The following CCT5 variants were observed in gnomAD, a reference collection of about 807,000 sequenced individuals.
CCT5 encodes T-complex protein 1 subunit epsilon.
In CCT5, 6 loss-of-function variants were observed where a neutral mutation model predicts 55.0. That is an observed-to-expected ratio of 0.11 (90% confidence interval 0.06 to 0.22). CCT5 has a LOEUF of 0.22. CCT5 is among the 10% of genes least tolerant of loss of function. The pLI is 1.00. For synonymous variants in CCT5, 231 were observed against 243.7 expected, an observed-to-expected ratio of 0.95 and a Z score of 0.49; for missense variants, 560 against 694.6, an observed-to-expected ratio of 0.81 and a Z score of 2.18.
At position 10,264,642 on chromosome 5, in the gene CCT5, C is replaced by G. The variant is rs772511157; in HGVS notation, c.1499-14C>G. On this transcript the variant is annotated splice_polypyrimidine_tract_variant and intron_variant, in intron 10 of 10. Transcript: ENST00000280326. ...ATGCTATTTTAGGATAATCAGTGTC[C>G]TTGTATTTTTCAGATATGAAGCAAC... 2 of 1,552,924 alleles carry G rather than the reference C, an allele frequency of 1.3e-6. No individual in the cohort carries two copies. The highest frequency in any genetic ancestry group is 2.2e-5 in the South Asian group (2 of 89,774).
At chr5:10,256,982 G>A (rs1247297546) in intron 4 of CCT5, among the ~76,000 whole-genome samples, 2 of 152,158 alleles carry the variant, frequency 1.3e-5, no homozygotes, top group African/African-American at 2.4e-5. Flanking sequence ...CAAGGGGTGC[G>A]CTGATTATGT....
At chr5:10,258,036 C>A in intron 4 of CCT5, 75 bp from the exon 5 acceptor site, 1 of 1,410,990 alleles carries the variant, frequency 7.1e-7, no homozygotes, top group Non-Finnish European at 1.0e-6. Flanking sequence ...CTTTGAGTAA[C>A]ATTGTGTTAT....
rs567760368 is a variant in CCT5 at position 10,264,708 on chromosome 5, A to G, written c.1551A>G (p.Ile517Met). 1.2e-6 allele frequency: 2 copies of G among 1,614,056 alleles called. No homozygotes were observed. The highest frequency in any genetic ancestry group is 2.2e-5 in the South Asian group (2 of 91,084). The change falls in exon 11 of 11, where the codon ATA becomes ATG. Residue 517 changes from isoleucine (I) to methionine (M), a missense_variant. By Grantham distance (10) the Ile-to-Met change is conservative (BLOSUM62 1). Transcript: ENST00000280326. ...CCTTGATTGGCAAAAAGCAACAGAT[A>G]TCTCTTGCAACACAAATGGTTAGAA... is the stretch of plus-strand genomic sequence containing the variant. ...IETLIGKKQQISLATQMVRMI... is the reference protein window; with the variant it reads ...IETLIGKKQQMSLATQMVRMI...
intron 10 of CCT5, among the ~76,000 whole-genome samples, chr5:10,263,798 CAG>C (rs1031392129): frequency 3.9e-5 from 6 of 152,190 alleles, no homozygotes; most frequent in African/African-American, 1.2e-4. Context: ...ACAGTGGTCT[CAG>C]GCATTTCTGT....
In CCT5 at chr5:10,265,562, A is replaced by G. The variant is rs1385109280; in HGVS notation, c.*779A>G. The G allele has an allele frequency of 1.3e-5, 2 of 152,260 alleles. No individual in the cohort carries two copies. Among genetic ancestry groups the G allele is most frequent in the East Asian group, 3.9e-4 (2 of 5,194 alleles). The allele number at this position is 152,260 out of a possible 1,614,324, so 9.4% of individuals were successfully genotyped here. A position where few individuals can be genotyped will look rare whatever the true frequency, so the allele number is the denominator to read the frequency against. ...GACTGAAATTAATTGTACTTACTAAAGTATTAACTAGCTAACAGTGATGGG... is the reference window on the plus strand; with the variant it reads ...GACTGAAATTAATTGTACTTACTAAGGTATTAACTAGCTAACAGTGATGGG... On this transcript the variant is annotated 3_prime_UTR_variant, in exon 11 of 11. Transcript: ENST00000280326.
intron 9 of CCT5, among the ~76,000 whole-genome samples, 154 bp from the exon 10 acceptor site, chr5:10,262,980 T>G (rs1156276821): frequency 6.6e-6 from 1 of 152,250 alleles, no homozygotes; most frequent in African/African-American, 2.4e-5. Flanking sequence ...GGTGACATTA[T>G]AATATTCTGA....
intron 1 of CCT5, chr5:10,250,908 C>T: frequency 2.0e-6 from 2 of 999,774 alleles, no homozygotes; most frequent in Non-Finnish European, 2.4e-6. Context: ...GGTCACTTAA[C>T]AGGGTATTTC....
chr5:10,250,977 C>A, intron 1 of CCT5: 2 of 573,620 alleles, frequency 3.5e-6, no homozygotes, highest in African/African-American at 2.0e-5. Context: ...GAAAAACGGA[C>A]GCACATAACC....
chr5:10,264,046 G>A (rs1227525175), intron 10 of CCT5, among the ~76,000 whole-genome samples: 1 of 152,198 alleles, frequency 6.6e-6, no homozygotes, highest in Non-Finnish European at 1.5e-5. Context: ...GCCAAGCCGG[G>A]TGGATCACCT....
chr5:10,250,307 C>A lies in CCT5; in HGVS notation c.-34C>A. On this transcript the variant is annotated 5_prime_UTR_variant, in exon 1 of 11. Transcript: ENST00000280326. ...ATTCTCGCTTCCGTAGCGGTCTCCG[C>A]CGGTTGGGGGGAAGTAATTCCGGTT... 6.2e-7 allele frequency: 1 copy of A among 1,613,684 alleles called. No individual in the cohort carries two copies. Among genetic ancestry groups the A allele is most frequent in the Non-Finnish European group, 8.5e-7 (1 of 1,179,972 alleles).
chr5:10,262,726 G>A (rs1746029199), intron 9 of CCT5, 108 bp downstream of exon 9: 2 of 1,167,550 alleles, frequency 1.7e-6, no homozygotes, highest in African/African-American at 1.5e-5. Context: ...ATCGTGAGCT[G>A]TGTGTAGGTG....
chr5:10,263,174 A>G lies in CCT5; in HGVS notation c.1358A>G (p.Asp453Gly). Residue 453 changes from aspartate to glycine, a missense_variant, in exon 10 of 11, where the codon GAC becomes GGC. Around this residue, in one of 4 missense-constraint regions of CCT5, gnomAD observed 256 missense variants for 372.4 expected, o/e 0.69. Transcript: ENST00000280326. ...CAGTATGCCATGAGAGCGTTTGCCG[A>G]CGCACTGGAGGTCATCCCCATGGCC... ...LEQYAMRAFA[D>G]ALEVIPMALS... 3.7e-6 allele frequency: 6 copies of G among 1,614,188 alleles called. No homozygotes were observed. Among genetic ancestry groups the G allele is most frequent in the Non-Finnish European group, 5.1e-6 (6 of 1,180,034 alleles).
chr5:10,264,010 T>G (rs1746106813), intron 10 of CCT5, among the ~76,000 whole-genome samples: 1 of 152,250 alleles, frequency 6.6e-6, no homozygotes. Context: ...CAGTGACTCA[T>G]GTCTGTAATC....
chr5:10,264,735 G>A lies in CCT5; in HGVS notation c.1578G>A (p.Met526Ile). The A allele has an allele frequency of 1.2e-6, 2 of 1,613,618 alleles. No individual in the cohort carries two copies. ...QISLATQMVR[M>I]ILKIDDIRKP... The stretch of plus-strand genomic sequence containing the variant: ...CTCTTGCAACACAAATGGTTAGAAT[G>A]ATTTTGAAGATTGATGACATTCGTA... The change falls in exon 11 of 11, where the codon ATG becomes ATA. Residue 526 changes from methionine (M) to isoleucine (I), a missense_variant. By Grantham distance (10) the Met-to-Ile change is conservative (BLOSUM62 1). Around this residue, in one of 4 missense-constraint regions of CCT5, gnomAD observed 115 missense variants for 105.0 expected, o/e 1.10. Transcript: ENST00000280326.
chr5:10,250,179 A>C (rs1745293679), upstream of CCT5: 2 of 1,542,840 alleles, frequency 1.3e-6, no homozygotes, highest in Non-Finnish European at 1.7e-6. Context: ...CGATTCCAGA[A>C]GATACTGTCT....
intron 3 of CCT5, 36 bp from the exon 4 acceptor site, chr5:10,255,918 GT>G: frequency 3.1e-6 from 5 of 1,594,102 alleles, no homozygotes; most frequent in Non-Finnish European, 4.3e-6. Flanking sequence ...AAGTTTTGTT[GT>G]TTGCCTGAAC....
chr5:10,257,008 TA>T (rs1348106631), intron 4 of CCT5, among the ~76,000 whole-genome samples: 8 of 152,304 alleles, frequency 5.3e-5, no homozygotes, highest in African/African-American at 1.9e-4. Context: ...GCCAAAGACT[TA>T]AGGTCTGTTG....
intron 8 of CCT5, chr5:10,261,988 T>C: frequency 2.0e-6 from 1 of 490,922 alleles, no homozygotes; most frequent in Non-Finnish European, 3.7e-6. Flanking sequence ...TTTATATCTT[T>C]TTAAATACTT....
chr5:10,256,862 GTC>G (rs1369747301), intron 4 of CCT5, among the ~76,000 whole-genome samples: 4 of 152,148 alleles, frequency 2.6e-5, no homozygotes, highest in Non-Finnish European at 4.4e-5. Flanking sequence ...AAAGCGACTT[GTC>G]TCTGGTGTTT....
Sources: gnomAD v4.1 joint callset for allele counts (sites outside exome capture counted in the v4.1 genomes callset) on GRCh38, gnomAD v4.1.1 for gene constraint, gnomAD v4.1.1 regional missense constraint, MANE v1.5 for transcripts, NCBI Gene and HGNC (gene_info 2026-07-23, HGNC 2026-07-21) for gene names.